The following CRY1 variants were observed in gnomAD, a reference collection of about 807,000 sequenced individuals.
CRY1 encodes the protein cryptochrome-1.
CRY1 carries 45 observed loss-of-function variants against 76.0 expected under a neutral mutation model. The ratio of observed to expected loss-of-function variants is 0.59; its 90% CI spans 0.47 to 0.76. The LOEUF (loss-of-function observed/expected upper bound fraction) is 0.76, where lower values mean the gene tolerates loss of function less well. CRY1 is among the 30% of genes least tolerant of loss of function. The probability of loss-of-function intolerance (pLI) is 0.00; values close to 1 mark genes in which losing one functional copy is unlikely to be tolerated. For synonymous variants in CRY1, 248 were observed against 244.0 expected (o/e 1.02, Z -0.15); for missense variants, 587 against 716.4 (o/e 0.82, Z 2.06).
At chr12:107,031,124 C>A (rs931805598) in intron 1 of CRY1, among the ~76,000 whole-genome samples, 1 of 152,092 alleles carries the variant, frequency 6.6e-6, no homozygotes, top group Non-Finnish European at 1.5e-5. Context: ...GAAACAACAA[C>A]AACAACAGAA....
At chr12:107,075,508 T>G (rs987682945) in intron 1 of CRY1, among the ~76,000 whole-genome samples, 1 of 152,128 alleles carries the variant, frequency 6.6e-6, no homozygotes, top group African/African-American at 2.4e-5. Context: ...AAGGTTTTAA[T>G]CAACTTTAAC....
At chr12:107,009,435 AGG>A (rs1246045652) in intron 2 of CRY1, among the ~76,000 whole-genome samples, 4 of 151,722 alleles carry the variant, frequency 2.6e-5, no homozygotes, top group Admixed American at 2.6e-4. Context: ...GCTACTCAGG[AGG>A]CTGAGGCAGG....
chr12:107,035,142 C>T (rs151143756), intron 1 of CRY1, among the ~76,000 whole-genome samples: 101 of 152,314 alleles, frequency 6.6e-4, no homozygotes, highest in African/African-American at 2.4e-3. Context: ...AGCCCTATTT[C>T]AAATTTCTGT....
chr12:107,032,944 A>G (rs1347630616), intron 1 of CRY1, among the ~76,000 whole-genome samples: 1 of 152,228 alleles, frequency 6.6e-6, no homozygotes, highest in Non-Finnish European at 1.5e-5. Context: ...CAGAACACAA[A>G]TTCGTGAGAA....
chr12:107,069,128 A>T (rs1425556612), intron 1 of CRY1, among the ~76,000 whole-genome samples: 1 of 152,120 alleles, frequency 6.6e-6, no homozygotes, highest in African/African-American at 2.4e-5. Flanking sequence ...GGAAATGGCA[A>T]ATTTTTCTAC....
At chr12:107,001,616 T>C (rs1045006814) in intron 4 of CRY1, 148 bp downstream of exon 4, 1 of 700,640 alleles carries the variant, frequency 1.4e-6, no homozygotes, top group African/African-American at 1.8e-5. Flanking sequence ...ACATATCACT[T>C]CTTAAAGGGT....
intron 1 of CRY1, among the ~76,000 whole-genome samples, chr12:107,054,638 T>A: frequency 1.5e-5 from 2 of 134,838 alleles, no homozygotes; most frequent in African/African-American, 2.8e-5. Context: ...TCTAAAAGAC[T>A]CCAGAAAGTT....
chr12:107,031,714 A>G (rs1424625658), intron 1 of CRY1, among the ~76,000 whole-genome samples: 2 of 152,276 alleles, frequency 1.3e-5, no homozygotes, highest in East Asian at 3.9e-4. Flanking sequence ...AAAATCAGAG[A>G]AACTCAAATT....
chr12:107,063,723 G>A (rs1315157580), intron 1 of CRY1, among the ~76,000 whole-genome samples: 2 of 152,098 alleles, frequency 1.3e-5, no homozygotes, highest in African/African-American at 4.8e-5. Flanking sequence ...TCAGCCTCCA[G>A]AGTAGCTGGG....
In CRY1 at chr12:107,001,315, C is replaced by A. The variant is rs773879688; in HGVS notation, c.649G>T (p.Ala217Ser). Reference sequence around the variant, plus strand: ...AAATGCCTTTCCAAACGAGTAAGTGCTTCAGTTTCTCCACCTGGCCACACT... The same window carrying A: ...AAATGCCTTTCCAAACGAGTAAGTGATTCAGTTTCTCCACCTGGCCACACT... The part of the protein sequence containing the change: ...SAVWPGGETE[A>S]LTRLERHLER... Residue 217 changes from alanine to serine, a missense_variant, in exon 5 of 13, where the codon GCA becomes TCA. Coordinates refer to ENST00000008527, the MANE Select transcript of CRY1 (RefSeq NM_004075.5). 3.5e-5 allele frequency: 56 copies of A among 1,613,600 alleles called. No homozygotes were observed. Among genetic ancestry groups the A allele is most frequent in the Non-Finnish European group, 4.5e-5 (53 of 1,179,782 alleles).
intron 1 of CRY1, among the ~76,000 whole-genome samples, chr12:107,091,683 G>A (rs894632915): frequency 6.6e-6 from 1 of 152,188 alleles, no homozygotes; most frequent in Non-Finnish European, 1.5e-5. Context: ...CTGGCCCTAA[G>A]TCAACTCTGA....
At chr12:107,046,834 T>A (rs940722309) in intron 1 of CRY1, among the ~76,000 whole-genome samples, 4 of 152,186 alleles carry the variant, frequency 2.6e-5, no homozygotes, top group African/African-American at 9.7e-5. Flanking sequence ...CAAGAGGATA[T>A]AACAACTGTT....
intron 2 of CRY1, among the ~76,000 whole-genome samples, chr12:107,010,506 TCCCAAAAGCA>T (rs1341973395): frequency 6.6e-6 from 1 of 152,222 alleles, no homozygotes; most frequent in Non-Finnish European, 1.5e-5. Flanking sequence ...GGTGCCATTT[TCCCAAAAGCA>T]TGTGCTCACC....
In CRY1 at chr12:107,053,003, C is replaced by T. The variant is rs535337154; in HGVS notation, c.159-30811G>A. 2.1e-4 allele frequency among the ~76,000 whole-genome samples: 32 copies of T among 152,164 alleles called. 1 individual carries two copies. The South Asian group carries it at 6.4e-3, about 31-fold the overall frequency. On this transcript the variant is annotated intron_variant, in intron 1 of 12. Coordinates refer to ENST00000008527, the MANE Select transcript of CRY1 (RefSeq NM_004075.5). ...CCAGAGAATCTGAAGGGAAATTATT[C>T]GGTAGTTAATGTGGAAGCATGAGAT...
At chr12:107,012,523 T>C (rs1258220309) in intron 2 of CRY1, among the ~76,000 whole-genome samples, 2 of 152,218 alleles carry the variant, frequency 1.3e-5, no homozygotes, top group African/African-American at 4.8e-5. Flanking sequence ...AAAGTTCCAA[T>C]GGAGATTTAT....
intron 5 of CRY1, 87 bp from the exon 6 acceptor site, chr12:107,000,169 T>C: frequency 7.5e-7 from 1 of 1,330,106 alleles, no homozygotes; most frequent in South Asian, 1.6e-5. Context: ...TTTTTTAAAG[T>C]TACATAGTTC....
chr12:107,020,129 G>A (rs1044545414), intron 2 of CRY1, among the ~76,000 whole-genome samples: 3 of 146,898 alleles, frequency 2.0e-5, no homozygotes, highest in Non-Finnish European at 3.0e-5. Context: ...TTACAGTTGT[G>A]AACCCTCTTT....
At chr12:107,001,677 T>C in intron 4 of CRY1, 87 bp downstream of exon 4, 1 of 1,244,730 alleles carries the variant, frequency 8.0e-7, no homozygotes, top group Non-Finnish European at 1.1e-6. Flanking sequence ...CAAAATACTT[T>C]ACATGGCAAA....
chr12:107,089,967 T>C (rs1953451395), intron 1 of CRY1, among the ~76,000 whole-genome samples: 1 of 152,230 alleles, frequency 6.6e-6, no homozygotes, highest in African/African-American at 2.4e-5. Flanking sequence ...CCAGATAAAA[T>C]TCCAAATGAC....
Sources: gnomAD v4.1 joint callset for allele counts (sites outside exome capture counted in the v4.1 genomes callset) on GRCh38, gnomAD v4.1.1 for gene constraint, MANE v1.5 for transcripts, NCBI Gene and HGNC (gene_info 2026-07-23, HGNC 2026-07-21) for gene names.